The following SOX5 variants were observed in gnomAD, a reference collection of about 807,000 sequenced individuals.
SOX5 encodes transcription factor SOX-5.
A neutral mutation model predicts 92.0 loss-of-function variants in SOX5; 9 were observed. The ratio of observed to expected loss-of-function variants is 0.10; its 90% confidence interval spans 0.06 to 0.17. SOX5 has a LOEUF of 0.17. SOX5 is among the 10% of genes least tolerant of loss of function. The pLI, the probability that SOX5 is intolerant of heterozygous loss-of-function variation, is 1.00. For synonymous variants in SOX5, 344 were observed against 336.3 expected (o/e 1.02, Z -0.25); for missense variants, 642 against 944.5 (o/e 0.68, Z 4.20).
chr12:24,508,259 AAAG>A (rs1463485951), intron 1 of SOX5, among the ~76,000 whole-genome samples: 11 of 152,188 alleles, frequency 7.2e-5, no homozygotes, highest in Middle Eastern at 3.2e-3. Context: ...AACCTGGAGA[AAAG>A]AAGCTCAGTG....
chr12:23,603,009 G>C (rs2074711764), intron 9 of SOX5, among the ~76,000 whole-genome samples: 1 of 152,018 alleles, frequency 6.6e-6, no homozygotes, highest in Admixed American at 6.6e-5. Context: ...AATGTAGTGT[G>C]TACAATAATT....
chr12:24,423,645 T>C (rs1966273518), intron 1 of SOX5, among the ~76,000 whole-genome samples: 1 of 152,234 alleles, frequency 6.6e-6, no homozygotes, highest in African/African-American at 2.4e-5. Context: ...TAAAATGCCA[T>C]TGCTGGCTGA....
chr12:24,559,069 T>A (rs1376256271), intron 1 of SOX5, among the ~76,000 whole-genome samples: 1 of 152,218 alleles, frequency 6.6e-6, no homozygotes, highest in Non-Finnish European at 1.5e-5. Flanking sequence ...TTTAAAACAA[T>A]GTTTGGAACA....
At chr12:23,719,807 A>AAAAAAAAAAAAAAC (rs1567209060) in intron 6 of SOX5, among the ~76,000 whole-genome samples, 1 of 140,652 alleles carries the variant, frequency 7.1e-6, no homozygotes. Context: ...AAAAAAAAAA[A>AAAAAAAAAAAAAAC]AAAACTGATG....
chr12:24,414,484 G>A (rs909783004), intron 1 of SOX5, among the ~76,000 whole-genome samples: 1 of 152,214 alleles, frequency 6.6e-6, no homozygotes, highest in Non-Finnish European at 1.5e-5. Flanking sequence ...GAGGGTGAAT[G>A]TGCTAATACT....
intron 3 of SOX5, chr12:24,223,411 C>A (rs1172161000): frequency 1.3e-5 from 2 of 152,132 alleles, no homozygotes; most frequent in Non-Finnish European, 2.9e-5. Flanking sequence ...CTCAAGATTT[C>A]TTATTAATAT....
At chr12:23,689,281 AT>A (rs1057406727) in intron 6 of SOX5, among the ~76,000 whole-genome samples, 2 of 151,432 alleles carry the variant, frequency 1.3e-5, no homozygotes, top group Middle Eastern at 3.4e-3. Context: ...TCTTAATTAG[AT>A]TTTTTTGTTG....
chr12:23,580,038 A>G (rs1163098804), intron 9 of SOX5, among the ~76,000 whole-genome samples: 3 of 152,106 alleles, frequency 2.0e-5, no homozygotes, highest in Non-Finnish European at 4.4e-5. Flanking sequence ...TATCATAAAT[A>G]TAAAATAAGC....
At chr12:24,211,882 A>G (rs1229087289) in intron 4 of SOX5, among the ~76,000 whole-genome samples, 1 of 152,206 alleles carries the variant, frequency 6.6e-6, no homozygotes, top group Non-Finnish European at 1.5e-5. Context: ...AGTGTATTCA[A>G]TTTAAGGCCA....
chr12:23,814,151 T>C (rs577346092), intron 3 of SOX5, among the ~76,000 whole-genome samples: 106 of 152,304 alleles, frequency 7.0e-4, no homozygotes, highest in African/African-American at 2.4e-3. Context: ...ATAAAAAGAA[T>C]GAGAAAACTA....
At chr12:24,332,619 C>T (rs867595623) in intron 2 of SOX5, among the ~76,000 whole-genome samples, 2 of 151,234 alleles carry the variant, frequency 1.3e-5, no homozygotes, top group South Asian at 2.1e-4. Context: ...TGAAGACAAT[C>T]GAGGTTTGAA....
chr12:23,580,961 A>G (rs1339664149), intron 9 of SOX5, among the ~76,000 whole-genome samples: 1 of 152,100 alleles, frequency 6.6e-6, no homozygotes, highest in Non-Finnish European at 1.5e-5. Context: ...CAAACACTAT[A>G]AAATAAATAT....
At chr12:24,074,203 G>C (rs1468278756) in intron 4 of SOX5, among the ~76,000 whole-genome samples, 1 of 152,034 alleles carries the variant, frequency 6.6e-6, no homozygotes, top group East Asian at 1.9e-4. Flanking sequence ...TCACACACAA[G>C]AATCATATAC....
At chr12:24,344,281 CAAAAAAAAAAA>C (rs61660537) in intron 2 of SOX5, among the ~76,000 whole-genome samples, 28 of 104,286 alleles carry the variant, frequency 2.7e-4, no homozygotes, top group Non-Finnish European at 4.5e-4. Flanking sequence ...GACTCTGTCT[CAAAAAAAAAAA>C]AAAAAAAAAA....
chr12:23,896,245 A>G (rs954874378), intron 1 of SOX5, among the ~76,000 whole-genome samples: 4 of 152,214 alleles, frequency 2.6e-5, no homozygotes, highest in African/African-American at 9.7e-5. Context: ...ACACTAATAT[A>G]GCACTCTCTT....
intron 3 of SOX5, among the ~76,000 whole-genome samples, chr12:24,259,599 A>G (rs532424804): frequency 4.6e-5 from 7 of 152,350 alleles, no homozygotes; most frequent in African/African-American, 1.7e-4. Context: ...AATAGATTAA[A>G]TGAAACAGCT....
At chr12:24,029,421 T>A (rs1229055841) in intron 4 of SOX5, among the ~76,000 whole-genome samples, 1 of 151,880 alleles carries the variant, frequency 6.6e-6, no homozygotes, top group Non-Finnish European at 1.5e-5. Flanking sequence ...ACTACAGATA[T>A]GTAACACCAC....
At chr12:23,788,732 C>G (rs1049511845) in intron 3 of SOX5, among the ~76,000 whole-genome samples, 3 of 151,752 alleles carry the variant, frequency 2.0e-5, no homozygotes, top group African/African-American at 7.3e-5. Flanking sequence ...AAGAACACAG[C>G]AGAAATTCTA....
chr12:24,223,399 A>G (rs1961000179), intron 3 of SOX5: 1 of 152,210 alleles, frequency 6.6e-6, no homozygotes, highest in African/African-American at 2.4e-5. Context: ...TGAACACTGT[A>G]TCTCAAGATT....
Sources: gnomAD v4.1 joint callset for allele counts (sites outside exome capture counted in the v4.1 genomes callset) on GRCh38, gnomAD v4.1.1 for gene constraint, MANE v1.5 for transcripts, NCBI Gene and HGNC (gene_info 2026-07-23, HGNC 2026-07-21) for gene names.